Variants in TG observed in about 807,000 individuals in gnomAD.
The protein encoded by TG is thyroid hormones.
TG carries 270 observed loss-of-function variants against 324.7 expected under a neutral mutation model. That is an observed-to-expected ratio of 0.83 (90% CI 0.75 to 0.92). The LOEUF is 0.92. TG is among the 40% of genes least tolerant of loss of function. The probability of loss-of-function intolerance (pLI) is 0.00; values close to 1 mark genes in which losing one functional copy is unlikely to be tolerated. For missense variants in TG, 3,591 were observed against 3,456.4 expected (o/e 1.04, Z -0.98); for synonymous variants, 1,401 against 1,327.0 (o/e 1.06, Z -1.21).
rs779493543 is a variant in TG, at chr8:133,131,831, G to A, written c.7882G>A (p.Val2628Ile). 16 of 1,614,088 alleles carry A rather than the reference G, an allele frequency of 9.9e-6. No individual in the cohort carries two copies. The highest frequency in any genetic ancestry group is 4.0e-5 in the African/African-American group (3 of 74,934). The change falls in exon 46 of 48, where the codon GTT becomes ATT. Residue 2628 changes from valine to isoleucine, a missense_variant. Physicochemically the swap from Val to Ile is conservative, Grantham distance 29. Coordinates refer to ENST00000220616, the MANE Select transcript of TG (RefSeq NM_003235.5). ...GHGSLELLADVQFALGLPFYP... is the reference protein window; with the variant it reads ...GHGSLELLADIQFALGLPFYP... Reference sequence around the variant, plus strand: ...TCTCAGCCTGGAGCTGCTGGCGGATGTTCAGTTTGCCTTGGGGCTTCCCTT... The same window carrying A: ...TCTCAGCCTGGAGCTGCTGGCGGATATTCAGTTTGCCTTGGGGCTTCCCTT...
chr8:132,899,853 A>G (rs896986893), intron 14 of TG, among the ~76,000 whole-genome samples: 4 of 152,158 alleles, frequency 2.6e-5, no homozygotes, highest in Non-Finnish European at 1.5e-5. Context: ...ACTTGTCAAA[A>G]TCATTTCTGG....
intron 35 of TG, among the ~76,000 whole-genome samples, chr8:132,993,477 T>C (rs1438594980): frequency 6.6e-6 from 1 of 152,240 alleles, no homozygotes; most frequent in Non-Finnish European, 1.5e-5. Flanking sequence ...TTAAAAGAGA[T>C]ATTATACATA....
intron 26 of TG, among the ~76,000 whole-genome samples, chr8:132,948,035 G>A (rs1434405314): frequency 6.6e-6 from 1 of 152,200 alleles, no homozygotes; most frequent in Non-Finnish European, 1.5e-5. Flanking sequence ...ATCTCCCCTA[G>A]TTACAGATTT....
intron 41 of TG, chr8:133,036,969 G>A (rs910129370): frequency 6.6e-6 from 1 of 152,296 alleles, no homozygotes; most frequent in Admixed American, 6.5e-5. Context: ...ACGTTGGCTG[G>A]TTCCTTTGAA....
At chr8:132,901,118 A>G (rs1007227361) in intron 15 of TG, among the ~76,000 whole-genome samples, 1 of 152,148 alleles carries the variant, frequency 6.6e-6, no homozygotes, top group Non-Finnish European at 1.5e-5. Context: ...CTCTCCTTTA[A>G]GACTCTAAGC....
At chr8:132,929,019 T>C (rs755563520) in intron 22 of TG, 57 bp from the exon 23 acceptor site, 24 of 1,424,510 alleles carry the variant, frequency 1.7e-5, no homozygotes, top group South Asian at 1.6e-4. Flanking sequence ...TTATGGCTTC[T>C]CTGCAGATGC....
Position 133,040,821 on chromosome 8 carries a change from G to A in TG, c.7239+10798G>A, listed in dbSNP as rs75018833. On this transcript the variant is annotated intron_variant, in intron 41 of 47. Coordinates refer to ENST00000220616, the MANE Select transcript of TG (RefSeq NM_003235.5). The stretch of plus-strand genomic sequence containing the variant: ...GGAGGGAAGAGAAAACAAAGATAAA[G>A]AGGGCAAAGAGAATGCAGACAAAGA... 6.8e-3 allele frequency among the ~76,000 whole-genome samples: 1,033 copies of A among 152,278 alleles called. 14 individuals carry two copies. The highest frequency in any genetic ancestry group is 0.02 in the African/African-American group (835 of 41,550).
At chr8:132,938,455 T>G (rs1043597326) in intron 25 of TG, among the ~76,000 whole-genome samples, 2 of 152,170 alleles carry the variant, frequency 1.3e-5, no homozygotes, top group African/African-American at 4.8e-5. Context: ...ACCATCTTAC[T>G]ACATGTGACA....
chr8:132,963,670 AGTGTGTGTGTGTGTGTGT>A (rs57531255), intron 29 of TG, among the ~76,000 whole-genome samples: 12 of 145,080 alleles, frequency 8.3e-5, no homozygotes, highest in African/African-American at 2.6e-4. Context: ...TGTGGTCTGC[AGTGTGTGTGTGTGTGTGT>A]GTGTGTGTGT....
chr8:133,043,125 A>C (rs2131120043), intron 41 of TG, among the ~76,000 whole-genome samples: 1 of 152,240 alleles, frequency 6.6e-6, no homozygotes, highest in African/African-American at 2.4e-5. Flanking sequence ...TGAACAGATG[A>C]CTGTAATCCA....
intron 35 of TG, among the ~76,000 whole-genome samples, chr8:132,989,834 C>A (rs757411500): frequency 5.3e-5 from 8 of 152,130 alleles, no homozygotes; most frequent in Non-Finnish European, 7.3e-5. Context: ...GGAAGCAATG[C>A]GACATCACGG....
intron 34 of TG, among the ~76,000 whole-genome samples, chr8:132,977,372 T>C (rs996119449): frequency 5.9e-5 from 9 of 152,126 alleles, no homozygotes; most frequent in African/African-American, 2.2e-4. Flanking sequence ...CAATAATAGA[T>C]TTTGGCCTTG....
chr8:133,030,659 A>G (rs555639250), intron 41 of TG, among the ~76,000 whole-genome samples: 1 of 152,336 alleles, frequency 6.6e-6, no homozygotes, highest in South Asian at 2.1e-4. Flanking sequence ...GAAGCTTGTC[A>G]TTACTGGGGG....
chr8:132,974,197 T>A lies in TG; in HGVS notation c.6199+1456T>A, dbSNP rs141204588. On this transcript the variant is annotated intron_variant, in intron 34 of 47. Coordinates refer to ENST00000220616, the MANE Select transcript of TG (RefSeq NM_003235.5). ...TCAGTAGAGATGGGATTTCACCATG[T>A]TAGCCAGGGTGGCCTTGAACTCCTG... is the stretch of plus-strand genomic sequence containing the variant. 7.3e-3 allele frequency among the ~76,000 whole-genome samples: 1,113 copies of A among 152,158 alleles called. 17 individuals carry two copies. The highest frequency in any genetic ancestry group is 0.026 in the African/African-American group (1,065 of 41,498).
At chr8:132,885,763 G>T (rs1815321881) in intron 8 of TG, among the ~76,000 whole-genome samples, 1 of 152,142 alleles carries the variant, frequency 6.6e-6, no homozygotes, top group African/African-American at 2.4e-5. Context: ...AGTTCTGGAG[G>T]CCAGAAGTCT....
intron 41 of TG, among the ~76,000 whole-genome samples, chr8:133,039,424 A>G (rs1837738299): frequency 6.6e-6 from 1 of 152,076 alleles, no homozygotes; most frequent in Non-Finnish European, 1.5e-5. Flanking sequence ...CATAATTTTG[A>G]TCCTGATTTT....
intron 40 of TG, among the ~76,000 whole-genome samples, chr8:133,022,462 G>T (rs1007934095): frequency 6.6e-6 from 1 of 152,138 alleles, no homozygotes; most frequent in Non-Finnish European, 1.5e-5. Context: ...AAGAAGATTA[G>T]AAACTGGCTT....
chr8:133,049,285 A>AT (rs1425121707), intron 41 of TG: 11 of 402,260 alleles, frequency 2.7e-5, no homozygotes, highest in Admixed American at 1.5e-4. Flanking sequence ...GCACATAAGC[A>AT]TTTTTGGCAG....
Position 133,073,628 on chromosome 8 carries a change from A to G in TG, c.7240-21416A>G, listed in dbSNP as rs556369576. Among the ~76,000 whole-genome samples, 14 of 152,348 alleles carry G rather than the reference A, an allele frequency of 9.2e-5. No individual in the cohort carries two copies. The South Asian group carries it at 1.0e-3, about 11-fold the overall frequency. ...TTACCTCTCCACTTTTCGAAGGACCACAGCCCAGTTTAATAGACTTGCAGC... is the reference window on the plus strand; with the variant it reads ...TTACCTCTCCACTTTTCGAAGGACCGCAGCCCAGTTTAATAGACTTGCAGC... On this transcript the variant is annotated intron_variant, in intron 41 of 47. Coordinates refer to ENST00000220616, the MANE Select transcript of TG (RefSeq NM_003235.5).
Sources: gnomAD v4.1 joint callset for allele counts (sites outside exome capture counted in the v4.1 genomes callset) on GRCh38, gnomAD v4.1.1 for gene constraint, MANE v1.5 for transcripts, NCBI Gene and HGNC (gene_info 2026-07-23, HGNC 2026-07-21) for gene names.